C8orf34: variants seen among roughly 807,000 people sequenced by gnomAD.
C8orf34 encodes the protein uncharacterized protein C8orf34.
C8orf34 carries 65 observed loss-of-function variants against 68.3 expected under a neutral mutation model. The ratio of observed to expected loss-of-function variants is 0.95; its 90% CI spans 0.78 to 1.17. C8orf34 has a LOEUF of 1.17. C8orf34 is among the 50% of genes most tolerant of loss of function. The probability of loss-of-function intolerance (pLI) is 0.00; values close to 1 mark genes in which losing one functional copy is unlikely to be tolerated. For synonymous variants in C8orf34, 244 were observed against 241.2 expected (o/e 1.01, Z -0.11); for missense variants, 664 against 655.4 (o/e 1.01, Z -0.14).
rs112130514 is a variant in C8orf34, at chr8:68,534,142, G to A, written c.1105+993G>A. On this transcript the variant is annotated intron_variant, in intron 7 of 13. Transcript: ENST00000518698. Reference sequence around the variant, plus strand: ...AAATGATATATTGCTTATCATTTTTGCATAGGCCTACAAAGGTGTTATTTG... The same window carrying A: ...AAATGATATATTGCTTATCATTTTTACATAGGCCTACAAAGGTGTTATTTG... 1.9e-4 allele frequency: 184 copies of A among 984,952 alleles called. 1 individual carries two copies. The African/African-American group carries it at 3.0e-3, about 16-fold the overall frequency. The allele number at this position is 984,952 out of a possible 1,614,324, so 61.0% of individuals were successfully genotyped here.
chr8:68,557,666 C>T (rs1816295669), intron 7 of C8orf34, among the ~76,000 whole-genome samples: 1 of 152,058 alleles, frequency 6.6e-6, no homozygotes, highest in Non-Finnish European at 1.5e-5. Flanking sequence ...AAAAATGTGC[C>T]TTTATCAAAT....
intron 12 of C8orf34, among the ~76,000 whole-genome samples, chr8:68,796,799 T>A (rs1824189128): frequency 2.0e-5 from 3 of 151,682 alleles, no homozygotes; most frequent in Admixed American, 2.0e-4. Context: ...AGTTCAGCTT[T>A]TGAAAAATAT....
intron 3 of C8orf34, among the ~76,000 whole-genome samples, chr8:68,448,842 G>A (rs1268494533): frequency 1.3e-5 from 2 of 151,896 alleles, no homozygotes; most frequent in African/African-American, 4.8e-5. Flanking sequence ...ACAAAAAGAA[G>A]CCTATATGGC....
chr8:68,675,413 A>C (rs566641717), intron 8 of C8orf34, among the ~76,000 whole-genome samples: 13 of 152,280 alleles, frequency 8.5e-5, no homozygotes, highest in African/African-American at 2.9e-4. Context: ...AAAAGTTAAA[A>C]AGTGGAGAGA....
At chr8:68,574,319 G>T (rs1362419866) in intron 7 of C8orf34, among the ~76,000 whole-genome samples, 1 of 151,838 alleles carries the variant, frequency 6.6e-6, no homozygotes, top group Non-Finnish European at 1.5e-5. Flanking sequence ...TTAGCTTATT[G>T]TCTATCTCAT....
intron 1 of C8orf34, among the ~76,000 whole-genome samples, chr8:68,403,165 T>C (rs1809032500): frequency 6.6e-6 from 1 of 152,178 alleles, no homozygotes; most frequent in African/African-American, 2.4e-5. Flanking sequence ...ATGACAACTC[T>C]TCCATAATGT....
intron 7 of C8orf34, among the ~76,000 whole-genome samples, chr8:68,612,942 GTTATC>G (rs1209005962): frequency 6.6e-6 from 1 of 152,070 alleles, no homozygotes; most frequent in Non-Finnish European, 1.5e-5. Context: ...GTAATTTCTA[GTTATC>G]TTATAAGGTG....
intron 1 of C8orf34, among the ~76,000 whole-genome samples, chr8:68,352,007 G>A (rs1806532391): frequency 6.6e-6 from 1 of 151,950 alleles, no homozygotes; most frequent in Non-Finnish European, 1.5e-5. Context: ...TTGGTGAGCT[G>A]TTTGTTAAGG....
intron 7 of C8orf34, among the ~76,000 whole-genome samples, chr8:68,571,791 G>A (rs1393127637): frequency 6.6e-6 from 1 of 152,152 alleles, no homozygotes; most frequent in Non-Finnish European, 1.5e-5. Context: ...TATGAACACG[G>A]TGACTGAGCC....
At chr8:68,371,284 G>T (rs1807549199) in intron 1 of C8orf34, among the ~76,000 whole-genome samples, 1 of 152,110 alleles carries the variant, frequency 6.6e-6, no homozygotes, top group Non-Finnish European at 1.5e-5. Context: ...ATCTTGCAAT[G>T]TAATTTGTGA....
intron 2 of C8orf34, among the ~76,000 whole-genome samples, 190 bp downstream of exon 2, chr8:68,439,836 G>A (rs542413575): frequency 6.6e-6 from 1 of 152,182 alleles, no homozygotes; most frequent in South Asian, 2.1e-4. Context: ...AATGTATTAT[G>A]TCTCAAAATA....
At chr8:68,566,282 A>C (rs1816585915) in intron 7 of C8orf34, among the ~76,000 whole-genome samples, 1 of 152,128 alleles carries the variant, frequency 6.6e-6, no homozygotes, top group Admixed American at 6.6e-5. Context: ...AGTACCCAGT[A>C]GTTGTCTTTT....
At chr8:68,537,905 A>C (rs543255782) in intron 7 of C8orf34, among the ~76,000 whole-genome samples, 2 of 152,266 alleles carry the variant, frequency 1.3e-5, no homozygotes, top group East Asian at 3.9e-4. Flanking sequence ...TATGTGATTT[A>C]CTTTTATGGT....
intron 8 of C8orf34, among the ~76,000 whole-genome samples, chr8:68,699,994 C>T (rs963165313): frequency 2.0e-5 from 3 of 152,028 alleles, no homozygotes; most frequent in African/African-American, 7.2e-5. Context: ...GAGGTTCTTG[C>T]GAATGAGAGA....
intron 1 of C8orf34, among the ~76,000 whole-genome samples, chr8:68,426,667 A>T (rs1020521619): frequency 1.3e-5 from 2 of 152,054 alleles, no homozygotes; most frequent in Non-Finnish European, 2.9e-5. Context: ...AAGAAAAGCA[A>T]TTCCAGCCTG....
chr8:68,551,011 T>G (rs554939959), intron 7 of C8orf34, among the ~76,000 whole-genome samples: 8 of 151,918 alleles, frequency 5.3e-5, no homozygotes, highest in Non-Finnish European at 1.0e-4. Context: ...TTTTCCTACT[T>G]AATGTTCTCT....
At chr8:68,793,969 TAATA>T (rs1187295934) in intron 12 of C8orf34, among the ~76,000 whole-genome samples, 1 of 152,164 alleles carries the variant, frequency 6.6e-6, no homozygotes, top group Non-Finnish European at 1.5e-5. Context: ...AAACCTGGTA[TAATA>T]AATAAATGGT....
At chr8:68,459,438 G>T (rs559963849) in intron 3 of C8orf34, among the ~76,000 whole-genome samples, 26 of 152,064 alleles carry the variant, frequency 1.7e-4, no homozygotes, top group African/African-American at 6.0e-4. Flanking sequence ...TCTCCATGTT[G>T]GCCAGGCTGG....
At chr8:68,616,993 T>A (rs1285843988) in intron 7 of C8orf34, among the ~76,000 whole-genome samples, 3 of 152,208 alleles carry the variant, frequency 2.0e-5, no homozygotes, top group African/African-American at 7.2e-5. Flanking sequence ...GCATATATAT[T>A]TAGGATAGTT....
Sources: gnomAD v4.1 joint callset for allele counts (sites outside exome capture counted in the v4.1 genomes callset) on GRCh38, gnomAD v4.1.1 for gene constraint, MANE v1.5 for transcripts, NCBI Gene and HGNC (gene_info 2026-07-23, HGNC 2026-07-21) for gene names.